SLC13A1: variants seen among roughly 807,000 people sequenced by gnomAD.
The protein encoded by SLC13A1 is solute carrier family 13 member 1.
In SLC13A1, 65 loss-of-function variants were observed where a neutral mutation model predicts 70.0. The observed-to-expected ratio is 0.93, with a 90% CI of 0.76 to 1.14. SLC13A1 has a LOEUF of 1.14. SLC13A1 is among the 50% of genes most tolerant of loss of function. The probability of loss-of-function intolerance (pLI) is 0.00; values close to 1 mark genes in which losing one functional copy is unlikely to be tolerated. For missense variants in SLC13A1, 726 were observed against 717.8 expected (o/e 1.01, Z -0.13); for synonymous variants, 275 against 250.5 (o/e 1.10, Z -0.92).
At position 123,128,864 on chromosome 7, in the gene SLC13A1, A is replaced by G; in HGVS notation, c.1114T>C (p.Trp372Arg). 4 of 1,612,534 alleles carry G rather than the reference A, an allele frequency of 2.5e-6. No homozygotes were observed. The highest frequency in any genetic ancestry group is 3.4e-6 in the Non-Finnish European group (4 of 1,178,868). ...FSRDPGFVPG[W>R]SALFSEYPGF... ...GCTTACTCTGAAAAAAGTGCAGACC[A>G]ACCAGGAACAAATCCGGGGTCTCGA... Residue 372 changes from tryptophan to arginine, a missense_variant, in exon 10 of 15, where the codon TGG (tryptophan) becomes CGG (arginine). By Grantham distance (101) the Trp-to-Arg change is moderately radical. Coordinates refer to ENST00000194130, the MANE Select transcript of SLC13A1 (RefSeq NM_022444.4).
intron 6 of SLC13A1, chr7:123,148,314 G>A (rs897032775): frequency 9.2e-6 from 3 of 327,756 alleles, no homozygotes; most frequent in Non-Finnish European, 1.8e-5. Flanking sequence ...TTCATGAATA[G>A]CCCTTCAAAT....
chr7:123,168,707 T>C (rs1795155113), intron 4 of SLC13A1, 146 bp from the exon 5 acceptor site: 1 of 612,288 alleles, frequency 1.6e-6, no homozygotes, highest in South Asian at 2.4e-5. Context: ...TCTTATTTTA[T>C]AAATACAAAT....
intron 9 of SLC13A1, 37 bp from the exon 10 acceptor site, chr7:123,128,983 C>T: frequency 2.2e-6 from 3 of 1,383,860 alleles, no homozygotes; most frequent in Non-Finnish European, 2.1e-6. Context: ...TTCTTATTTT[C>T]TCAGTCGGGA....
intron 6 of SLC13A1, among the ~76,000 whole-genome samples, chr7:123,154,282 A>G (rs541177286): frequency 6.6e-6 from 1 of 152,216 alleles, no homozygotes; most frequent in African/African-American, 2.4e-5. Flanking sequence ...TTTTTATTCA[A>G]TCCCTTCTGT....
chr7:123,178,953 G>A (rs1795548550), intron 2 of SLC13A1, among the ~76,000 whole-genome samples: 1 of 152,030 alleles, frequency 6.6e-6, no homozygotes, highest in Admixed American at 6.6e-5. Flanking sequence ...CATATATGGA[G>A]TACTTACTAT....
chr7:123,189,191 C>G (rs572900086), intron 1 of SLC13A1, among the ~76,000 whole-genome samples: 234 of 146,058 alleles, frequency 1.6e-3, no homozygotes, highest in African/African-American at 5.3e-3. Flanking sequence ...AAAATTTTTT[C>G]AAGTGTAGAG....
chr7:123,123,297 C>T (rs535454170), intron 11 of SLC13A1, 62 bp from the exon 12 acceptor site: 2 of 1,049,112 alleles, frequency 1.9e-6, no homozygotes, highest in South Asian at 1.3e-5. Context: ...ACATTTGCTT[C>T]AGCATCCTAA....
Position 123,169,329 on chromosome 7 carries a change from C to G in SLC13A1, c.372G>C (p.Thr124=). ...MMVGVNPAWL[T]LGFMSSTAFL... is the part of the protein sequence containing the mutation. ...AGGCAGTGCTGCTCATGAACCCCAG[C>G]GTCAGCCTGAAACCAGAGAGCCATT... Residue 124 remains threonine, a synonymous_variant, in exon 4 of 15, where the codon ACG becomes ACC. Transcript: ENST00000194130. The G allele has an allele frequency of 6.2e-7, 1 of 1,611,614 alleles. No homozygotes were observed. The highest frequency in any genetic ancestry group is 8.5e-7 in the Non-Finnish European group (1 of 1,179,874).
At chr7:123,155,787 C>T (rs150123988) in intron 6 of SLC13A1, among the ~76,000 whole-genome samples, 137 of 152,198 alleles carry the variant, frequency 9.0e-4, no homozygotes, top group African/African-American at 3.0e-3. Context: ...ATCATCTGGC[C>T]TTCTGCCTGC....
chr7:123,175,782 T>A (rs900796570), intron 2 of SLC13A1, among the ~76,000 whole-genome samples: 13 of 152,088 alleles, frequency 8.5e-5, no homozygotes, highest in Non-Finnish European at 1.8e-4. Flanking sequence ...GAGAATTAAA[T>A]AAAAGAATAA....
At chr7:123,179,163 A>G (rs1418646074) in intron 2 of SLC13A1, among the ~76,000 whole-genome samples, 1 of 152,126 alleles carries the variant, frequency 6.6e-6, no homozygotes, top group Non-Finnish European at 1.5e-5. Context: ...TTTCAAATTC[A>G]AGCAACATTT....
At chr7:123,179,854 T>A (rs77762649) in intron 2 of SLC13A1, among the ~76,000 whole-genome samples, 2,465 of 152,264 alleles carry the variant, frequency 0.016, 32 homozygotes, top group Middle Eastern at 0.044. Context: ...TCCAAGCCCA[T>A]GGGACAAGGG....
intron 8 of SLC13A1, among the ~76,000 whole-genome samples, chr7:123,133,289 T>C (rs1793829776): frequency 6.6e-6 from 1 of 152,124 alleles, no homozygotes; most frequent in Admixed American, 6.5e-5. Context: ...CAGATCTTTA[T>C]TGTACTTGGT....
chr7:123,170,885 A>G (rs80111411), intron 3 of SLC13A1, among the ~76,000 whole-genome samples: 2,539 of 151,724 alleles, frequency 0.017, 66 homozygotes, highest in African/African-American at 0.059. Flanking sequence ...GGCCGAGATA[A>G]TGTCTTAAAC....
At chr7:123,129,875 G>T (rs947914761) in intron 8 of SLC13A1, among the ~76,000 whole-genome samples, 1 of 152,020 alleles carries the variant, frequency 6.6e-6, no homozygotes, top group Non-Finnish European at 1.5e-5. Flanking sequence ...GTGTATCTTG[G>T]TTGTTAATTC....
At chr7:123,140,919 C>A (rs1282296389) in intron 7 of SLC13A1, among the ~76,000 whole-genome samples, 2 of 151,804 alleles carry the variant, frequency 1.3e-5, no homozygotes, top group Admixed American at 6.6e-5. Context: ...TTCAATTTAA[C>A]TTAATTCTAC....
At chr7:123,120,917 T>G (rs925613201) in intron 12 of SLC13A1, among the ~76,000 whole-genome samples, 6 of 152,080 alleles carry the variant, frequency 3.9e-5, no homozygotes, top group African/African-American at 1.2e-4. Flanking sequence ...ATCCCCACAG[T>G]TCCAAAATTC....
intron 8 of SLC13A1, among the ~76,000 whole-genome samples, chr7:123,134,011 T>C (rs1165523687): frequency 6.6e-6 from 1 of 151,964 alleles, no homozygotes; most frequent in East Asian, 1.9e-4. Flanking sequence ...ATGGTCCTTT[T>C]AGGGGGGAGG....
At chr7:123,116,097 G>C (rs182842570) in intron 14 of SLC13A1, among the ~76,000 whole-genome samples, 5 of 152,250 alleles carry the variant, frequency 3.3e-5, no homozygotes, top group Admixed American at 2.6e-4. Context: ...AATTCAGGAC[G>C]CCATATGGCA....
Sources: allele counts gnomAD v4.1 joint callset (sites outside exome capture counted in the v4.1 genomes callset), GRCh38; gene constraint gnomAD v4.1.1; transcripts MANE v1.5; gene names NCBI Gene and HGNC (gene_info 2026-07-23, HGNC 2026-07-21).